The following ATXN1 variants were observed in gnomAD, a reference collection of about 807,000 sequenced individuals.
ATXN1 encodes the protein ataxin 1.
ATXN1 carries 8 observed loss-of-function variants against 56.4 expected under a neutral mutation model. The observed-to-expected ratio is 0.14, with a 90% confidence interval of 0.08 to 0.26. The LOEUF is 0.26. Ranked by LOEUF, ATXN1 falls within the 10% of genes least tolerant of loss-of-function variation. The probability of loss-of-function intolerance (pLI) is 1.00; values close to 1 mark genes in which losing one functional copy is unlikely to be tolerated. For synonymous variants in ATXN1, 514 were observed against 494.6 expected (o/e 1.04, Z -0.52); for missense variants, 987 against 1,106.5 (o/e 0.89, Z 1.53).
intron 6 of ATXN1, among the ~76,000 whole-genome samples, chr6:16,450,503 G>C (rs1220172846): frequency 6.6e-6 from 1 of 152,210 alleles, no homozygotes; most frequent in Non-Finnish European, 1.5e-5. Context: ...CTTTGGAAGA[G>C]AGGGCAGGGG....
intron 5 of ATXN1, among the ~76,000 whole-genome samples, chr6:16,516,876 T>C (rs1006556361): frequency 6.6e-6 from 1 of 152,242 alleles, no homozygotes; most frequent in Non-Finnish European, 1.5e-5. Context: ...GCTTGTACTT[T>C]CAGGGCTTAC....
chr6:16,514,940 G>T (rs894059804), intron 5 of ATXN1, among the ~76,000 whole-genome samples: 2 of 151,476 alleles, frequency 1.3e-5, no homozygotes, highest in African/African-American at 4.9e-5. Flanking sequence ...CCGAGATCAC[G>T]CCACTGCACT....
chr6:16,334,868 T>C (rs1761081922), intron 6 of ATXN1, among the ~76,000 whole-genome samples: 1 of 152,128 alleles, frequency 6.6e-6, no homozygotes, highest in Non-Finnish European at 1.5e-5. Context: ...GCAAGAGGTC[T>C]GGAGGCAAGC....
intron 6 of ATXN1, among the ~76,000 whole-genome samples, chr6:16,360,417 C>T (rs1019265349): frequency 8.5e-5 from 13 of 152,124 alleles, no homozygotes; most frequent in African/African-American, 3.1e-4. Flanking sequence ...TTACATATGT[C>T]AATGGGAAAT....
chr6:16,652,698 G>A (rs969604134), intron 3 of ATXN1, among the ~76,000 whole-genome samples: 2 of 152,062 alleles, frequency 1.3e-5, no homozygotes, highest in Admixed American at 6.6e-5. Context: ...AACAGCCCTC[G>A]CTCCCATCAG....
At chr6:16,575,783 A>G (rs1260487817) in intron 4 of ATXN1, among the ~76,000 whole-genome samples, 3 of 152,248 alleles carry the variant, frequency 2.0e-5, no homozygotes, top group African/African-American at 7.2e-5. Context: ...ATGGCCCAGA[A>G]GAAAACATAG....
intron 6 of ATXN1, among the ~76,000 whole-genome samples, chr6:16,424,215 C>T (rs1759095026): frequency 6.6e-6 from 1 of 152,164 alleles, no homozygotes; most frequent in Admixed American, 6.5e-5. Context: ...GTTGCTACAA[C>T]ATCATTGCTC....
chr6:16,576,221 A>G (rs548500172), intron 4 of ATXN1, among the ~76,000 whole-genome samples: 86 of 152,158 alleles, frequency 5.7e-4, no homozygotes, highest in Non-Finnish European at 1.1e-3. Flanking sequence ...AGAAAGATGG[A>G]CTCCCTAAGT....
intron 2 of ATXN1, among the ~76,000 whole-genome samples, chr6:16,684,141 G>C (rs1484557198): frequency 6.6e-6 from 1 of 152,180 alleles, no homozygotes. Flanking sequence ...TTGGGATACA[G>C]ACATATTTCT....
In ATXN1 at chr6:16,735,778, G is replaced by A. The variant is rs183813537; in HGVS notation, c.-615+17455C>T. ...TAAAAGGTTGCAGTGAGCTGAGATC[G>A]TGCCATTGCACTCCAGCCCAGGCAA... On this transcript the variant is annotated intron_variant, in intron 2 of 7. Transcript: ENST00000436367. Among the ~76,000 whole-genome samples, 303 of 152,072 alleles carry A rather than the reference G, an allele frequency of 2.0e-3. 3 individuals carry two copies. The highest frequency in any genetic ancestry group is 5.0e-4 in the Non-Finnish European group (34 of 67,998).
chr6:16,507,918 A>G (rs1224197961), intron 5 of ATXN1, among the ~76,000 whole-genome samples: 1 of 152,252 alleles, frequency 6.6e-6, no homozygotes, highest in Non-Finnish European at 1.5e-5. Context: ...GTAAGTGGTT[A>G]AGTTGCAGAG....
intron 6 of ATXN1, among the ~76,000 whole-genome samples, chr6:16,416,494 T>C (rs1758912135): frequency 6.6e-6 from 1 of 152,230 alleles, no homozygotes; most frequent in Non-Finnish European, 1.5e-5. Context: ...ATACCTGCCT[T>C]ACAGGGCTGT....
chr6:16,696,844 C>T (rs1008988119), intron 2 of ATXN1, among the ~76,000 whole-genome samples: 2 of 152,344 alleles, frequency 1.3e-5, no homozygotes, highest in African/African-American at 4.8e-5. Context: ...TTCTCCCCTT[C>T]TCATTTCCAA....
chr6:16,395,755 T>C lies in ATXN1; in HGVS notation c.-160-67285A>G, dbSNP rs180855854. 1.1e-3 allele frequency among the ~76,000 whole-genome samples: 168 copies of C among 152,242 alleles called. 1 individual carries two copies. Among genetic ancestry groups the C allele is most frequent in the South Asian group, 8.5e-3 (41 of 4,820 alleles). On this transcript the variant is annotated intron_variant, in intron 6 of 7. Transcript: ENST00000436367. ...ACTGTAGGCCGGGCGCAGTGGCTCA[T>C]GCCTGTAATCCCAGCACTTTGGGAG...
At chr6:16,716,169 C>T (rs1183915588) in intron 2 of ATXN1, among the ~76,000 whole-genome samples, 3 of 152,204 alleles carry the variant, frequency 2.0e-5, no homozygotes, top group Non-Finnish European at 4.4e-5. Flanking sequence ...TATCTGACCA[C>T]TCTTCTCATC....
At chr6:16,649,677 A>G (rs2113829093) in intron 3 of ATXN1, among the ~76,000 whole-genome samples, 2 of 152,344 alleles carry the variant, frequency 1.3e-5, no homozygotes, top group South Asian at 4.1e-4. Flanking sequence ...TGTAATTTTT[A>G]TGAAATAGTA....
At position 16,405,850 on chromosome 6, in the gene ATXN1, G is replaced by A. The variant is rs1452113129; in HGVS notation, c.-160-77380C>T. ...TCAGCTGAAGACATTAAATTTACTG[G>A]CGGTGAAAGAAAAGTCGGGAAATGG... On this transcript the variant is annotated intron_variant, in intron 6 of 7. Coordinates refer to ENST00000436367, the MANE Select transcript of ATXN1 (RefSeq NM_001128164.2). Among the ~76,000 whole-genome samples the A allele has an allele frequency of 1.3e-5, 2 of 152,074 alleles. 1 individual carries two copies. The highest frequency in any genetic ancestry group is 6.3e-3 in the Middle Eastern group (2 of 316).
chr6:16,731,913 T>A (rs980425096), intron 2 of ATXN1, among the ~76,000 whole-genome samples: 1 of 152,132 alleles, frequency 6.6e-6, no homozygotes, highest in Non-Finnish European at 1.5e-5. Context: ...TGCTCTAAAG[T>A]ATTAAACTGT....
chr6:16,639,610 G>C (rs760888086), intron 3 of ATXN1, among the ~76,000 whole-genome samples: 19 of 147,026 alleles, frequency 1.3e-4, no homozygotes, highest in Non-Finnish European at 2.7e-4. Flanking sequence ...CATTGCGCCC[G>C]GCCCCTGGGT....
Sources: allele counts gnomAD v4.1 joint callset (sites outside exome capture counted in the v4.1 genomes callset), GRCh38; gene constraint gnomAD v4.1.1; transcripts MANE v1.5; gene names NCBI Gene and HGNC (gene_info 2026-07-23, HGNC 2026-07-21).